The following ITGA6 variants were observed in gnomAD, a reference collection of about 807,000 sequenced individuals.
The protein encoded by ITGA6 is integrin alpha-6.
Under a neutral mutation model 133.6 loss-of-function variants are expected in ITGA6, and 63 were observed. The ratio of observed to expected loss-of-function variants is 0.47; its 90% CI spans 0.38 to 0.58. The LOEUF is 0.58. Among genes scored for constraint, ITGA6 ranks in the 20% least tolerant of loss-of-function variants. ITGA6 has a pLI of 0.00. For synonymous variants in ITGA6, 434 were observed against 482.0 expected (o/e 0.90, Z 1.30); for missense variants, 1,068 against 1,309.4 (o/e 0.82, Z 2.85).
intron 11 of ITGA6, among the ~76,000 whole-genome samples, chr2:172,481,225 A>C (rs990187800): frequency 2.0e-5 from 3 of 152,208 alleles, no homozygotes; most frequent in Non-Finnish European, 4.4e-5. Context: ...TGTTATCTAA[A>C]GTAGTAGTTT....
At chr2:172,503,526 G>A (rs1158680817) in intron 25 of ITGA6, 1 of 152,120 alleles carries the variant, frequency 6.6e-6, no homozygotes, top group Non-Finnish European at 1.5e-5. Context: ...AGCAAATCCA[G>A]GCAACATAAA....
chr2:172,466,362 G>C (rs1685673284), intron 2 of ITGA6, among the ~76,000 whole-genome samples: 1 of 152,174 alleles, frequency 6.6e-6, no homozygotes, highest in African/African-American at 2.4e-5. Flanking sequence ...GCTCACACCT[G>C]TAATCCTAGC....
At position 172,498,478 on chromosome 2, in the gene ITGA6, G is replaced by C. The variant is rs1037717529; in HGVS notation, c.3114+378G>C. ...TGAATGTGTATCCCTGCTAATTTCAGTTTCTGTGAAGAATGTTCATAGCAG... is the reference window on the plus strand; with the variant it reads ...TGAATGTGTATCCCTGCTAATTTCACTTTCTGTGAAGAATGTTCATAGCAG... On this transcript the variant is annotated intron_variant, in intron 24 of 25. Coordinates refer to ENST00000684293, the MANE Select transcript of ITGA6 (RefSeq NM_000210.4). Among the ~76,000 whole-genome samples, 6 of 152,196 alleles carry C rather than the reference G, an allele frequency of 3.9e-5. No homozygotes were observed. In the East Asian group the frequency reaches 1.2e-3, roughly 29 times the overall value.
At position 172,447,046 on chromosome 2, in the gene ITGA6, C is replaced by T. The variant is rs149590445; in HGVS notation, c.183-18493C>T. 3.5e-3 allele frequency among the ~76,000 whole-genome samples: 526 copies of T among 152,048 alleles called. 10 individuals are homozygous for T. The East Asian group carries it at 0.035, about 10-fold the overall frequency. ...TGAAGTAGCTGGGATTACAGGTGTG[C>T]ACCACCGTGCCCGGCTAATTTTTGT... On this transcript the variant is annotated intron_variant, in intron 1 of 25. Coordinates refer to ENST00000684293, the MANE Select transcript of ITGA6 (RefSeq NM_000210.4).
chr2:172,444,308 A>G (rs1684662042), intron 1 of ITGA6, among the ~76,000 whole-genome samples: 1 of 152,342 alleles, frequency 6.6e-6, no homozygotes, highest in South Asian at 2.1e-4. Flanking sequence ...ACACTATATT[A>G]TCTCAGCAAT....
At chr2:172,481,580 CAGTT>C (rs1411311630) in intron 11 of ITGA6, among the ~76,000 whole-genome samples, 3 of 152,242 alleles carry the variant, frequency 2.0e-5, no homozygotes, top group East Asian at 3.9e-4. Context: ...GTCATAAGCT[CAGTT>C]AGCCTTCATC....
chr2:172,449,922 C>CAA (rs753594850), intron 1 of ITGA6, among the ~76,000 whole-genome samples: 3,056 of 77,208 alleles, frequency 0.04, 116 homozygotes, highest in Middle Eastern at 0.086. Context: ...ACTTCCTCTC[C>CAA]AAAAAAAAAA....
chr2:172,450,655 T>C (rs948514896), intron 1 of ITGA6, among the ~76,000 whole-genome samples: 7 of 151,880 alleles, frequency 4.6e-5, no homozygotes, highest in Non-Finnish European at 8.8e-5. Flanking sequence ...GGTGTACATT[T>C]AGTAAGATAG....
rs1687528473 is a variant in ITGA6 at position 172,505,617 on chromosome 2, T to C, written c.*1549T>C. On this transcript the variant is annotated 3_prime_UTR_variant, in exon 26 of 26. Coordinates refer to ENST00000684293, the MANE Select transcript of ITGA6 (RefSeq NM_000210.4). ...TACCATGCTTCACAATGTTAAGTTA[T>C]ATGGGGAGCAACAGCAAACAGGTGC... 2 of 152,612 alleles carry C rather than the reference T, an allele frequency of 1.3e-5. No homozygotes were observed. The highest frequency in any genetic ancestry group is 2.9e-5 in the Non-Finnish European group (2 of 68,024). The allele number at this position is 152,612 out of a possible 1,614,324, so 9.5% of individuals were successfully genotyped here. A position where few individuals can be genotyped will look rare whatever the true frequency, so the allele number is the denominator to read the frequency against.
rs1686753674 is a variant in ITGA6, at chr2:172,487,775, C to T, written c.2292C>T (p.Thr764=). The change falls in exon 17 of 26, where the codon ACC becomes ACT. Residue 764 remains threonine (T), a synonymous_variant. Coordinates refer to ENST00000684293, the MANE Select transcript of ITGA6 (RefSeq NM_000210.4). The part of the protein sequence containing the change: ...VLSTTEVTFD[T]PDLDINLKLE... ...GTACAACTGAAGTCACCTTTGACAC[C>T]CCAGATCTGGATATTAATCTGAAGT... 6.2e-7 allele frequency: 1 copy of T among 1,611,444 alleles called. No individual in the cohort carries two copies. The highest frequency in any genetic ancestry group is 8.5e-7 in the Non-Finnish European group (1 of 1,177,874).
chr2:172,456,127 C>T (rs1685197228), intron 1 of ITGA6, among the ~76,000 whole-genome samples: 1 of 152,160 alleles, frequency 6.6e-6, no homozygotes, highest in Admixed American at 6.5e-5. Context: ...AATCACTGGC[C>T]CTTAGAGAGC....
intron 1 of ITGA6, among the ~76,000 whole-genome samples, chr2:172,462,756 G>A (rs1272195967): frequency 1.3e-5 from 2 of 152,152 alleles, no homozygotes; most frequent in Non-Finnish European, 2.9e-5. Context: ...TTAAACCACA[G>A]GACACCCAAA....
At chr2:172,460,076 G>A (rs1685369937) in intron 1 of ITGA6, among the ~76,000 whole-genome samples, 2 of 152,242 alleles carry the variant, frequency 1.3e-5, no homozygotes, top group Admixed American at 1.3e-4. Context: ...TAGCAAGTCT[G>A]TTTGACCTTA....
intron 8 of ITGA6, among the ~76,000 whole-genome samples, chr2:172,475,994 A>C (rs908407706): frequency 6.6e-6 from 1 of 152,242 alleles, no homozygotes; most frequent in African/African-American, 2.4e-5. Flanking sequence ...TTAGTAGCAT[A>C]CTAAATAGAG....
At chr2:172,428,901 C>T (rs1305866779) in intron 1 of ITGA6, among the ~76,000 whole-genome samples, 1 of 152,214 alleles carries the variant, frequency 6.6e-6, no homozygotes, top group African/African-American at 2.4e-5. Flanking sequence ...TATTTTGGCG[C>T]TTAGTCGCCT....
intron 1 of ITGA6, among the ~76,000 whole-genome samples, chr2:172,438,662 C>T (rs1329573060): frequency 1.3e-5 from 2 of 151,738 alleles, no homozygotes; most frequent in Admixed American, 6.6e-5. Flanking sequence ...GCAGAGTGCC[C>T]GGCATATCCA....
Position 172,443,938 on chromosome 2 carries a change from C to T in ITGA6, c.182+15968C>T, listed in dbSNP as rs571447708. 3.9e-5 allele frequency among the ~76,000 whole-genome samples: 6 copies of T among 152,214 alleles called. No homozygotes were observed. In the South Asian group the frequency reaches 1.2e-3, roughly 32 times the overall value. ...TACTGGCATGCACTACCACGCCTGG[C>T]TAATCTTTGTATTTTTTGTAAATAT... is the stretch of plus-strand genomic sequence containing the variant. On this transcript the variant is annotated intron_variant, in intron 1 of 25. Transcript: ENST00000684293.
intron 1 of ITGA6, among the ~76,000 whole-genome samples, chr2:172,461,019 T>C (rs2149030172): frequency 6.6e-6 from 1 of 152,356 alleles, no homozygotes; most frequent in Admixed American, 6.5e-5. Context: ...TATGCAAAAG[T>C]ATACCAGCTC....
chr2:172,443,719 C>A (rs563995787), intron 1 of ITGA6, among the ~76,000 whole-genome samples: 1 of 152,178 alleles, frequency 6.6e-6, no homozygotes, highest in Non-Finnish European at 1.5e-5. Context: ...TGTAAGATTG[C>A]GTATAGTGTT....
Sources: allele counts gnomAD v4.1 joint callset (sites outside exome capture counted in the v4.1 genomes callset), GRCh38; gene constraint gnomAD v4.1.1; transcripts MANE v1.5; gene names NCBI Gene and HGNC (gene_info 2026-07-23, HGNC 2026-07-21).